The following C22orf15 variants were observed in gnomAD, a reference collection of about 807,000 sequenced individuals.
C22orf15 encodes chromosome 22 open reading frame 15, also known as uncharacterized protein C22orf15.
C22orf15 carries 21 observed loss-of-function variants against 20.3 expected under a neutral mutation model. The ratio of observed to expected loss-of-function variants is 1.04; its 90% confidence interval spans 0.74 to 1.49. The LOEUF is 1.49. Ranked by LOEUF, C22orf15 falls within the 40% of genes most tolerant of loss-of-function variation. The probability of loss-of-function intolerance (pLI) is 0.00; values close to 1 mark genes in which losing one functional copy is unlikely to be tolerated. For synonymous variants in C22orf15, 78 were observed against 75.4 expected (o/e 1.03, Z -0.18); for missense variants, 170 against 191.1 (o/e 0.89, Z 0.65).
At position 23,765,744 on chromosome 22, in the gene C22orf15, G is replaced by T. The variant is rs1431235671; in HGVS notation, c.*12G>T. The T allele has an allele frequency of 6.4e-7, 1 of 1,550,844 alleles. No homozygotes were observed. Among genetic ancestry groups the T allele is most frequent in the Non-Finnish European group, 8.7e-7 (1 of 1,146,612 alleles). ...AGGGCCCTGATTAAGGGGATGGATT[G>T]CACACTGTAGTGAGACATCCATCCT... On this transcript the variant is annotated 3_prime_UTR_variant, in exon 6 of 6. Coordinates refer to ENST00000402217, the MANE Select transcript of C22orf15 (RefSeq NM_182520.3).
chr22:23,763,067 A>G lies in C22orf15; in HGVS notation c.-240A>G. The G allele has an allele frequency of 1.8e-6, 1 of 544,276 alleles. No individual in the cohort carries two copies. Among genetic ancestry groups the G allele is most frequent in the Non-Finnish European group, 3.2e-6 (1 of 314,600 alleles). 33.7% of individuals were successfully genotyped at this position (544,276 alleles called of 1,614,324 possible). ...TGCTGTGGCCCAGGGCTCAGTGGGG[A>G]GGAAGAGGAGGCCAGGAGTCTTGGA... On this transcript the variant is annotated 5_prime_UTR_variant, in exon 1 of 6. Coordinates refer to ENST00000402217, the MANE Select transcript of C22orf15 (RefSeq NM_182520.3).
rs772184906 is a variant in C22orf15 at position 23,765,480 on chromosome 22, CA to C, written c.436-240del. On this transcript the variant is annotated intron_variant, in intron 5 of 5. Transcript: ENST00000402217. ...AAGGTCAGACAGGATTTGAGGCCGC[CA>C]GGGGCACCTAAGCTGTGGGTGCAGA... The C allele has an allele frequency of 3.2e-6, 5 of 1,550,736 alleles. No homozygotes were observed. The South Asian group carries it at 5.9e-5, about 18-fold the overall frequency.
chr22:23,765,060 A>T, intron 5 of C22orf15, 158 bp downstream of exon 5: 1 of 1,467,438 alleles, frequency 6.8e-7, no homozygotes, highest in Non-Finnish European at 9.0e-7. Context: ...ACGCACATAT[A>T]CCCCCAGATG....
At position 23,763,287 on chromosome 22, in the gene C22orf15, C is replaced by T. The variant is rs950690104; in HGVS notation, c.-20C>T. The T allele has an allele frequency of 6.8e-5, 105 of 1,550,160 alleles. No homozygotes were observed. Among genetic ancestry groups the T allele is most frequent in the Non-Finnish European group, 8.6e-5 (99 of 1,146,640 alleles). Reference sequence around the variant, plus strand: ...GTTGGGGGATCAAAGCCCCCCACATCTCCCTCACCCGCTGCAGCTATGTTT... The same window carrying T: ...GTTGGGGGATCAAAGCCCCCCACATTTCCCTCACCCGCTGCAGCTATGTTT... On this transcript the variant is annotated 5_prime_UTR_variant, in exon 1 of 6. Coordinates refer to ENST00000402217, the MANE Select transcript of C22orf15 (RefSeq NM_182520.3).
At chr22:23,765,007 G>T in intron 5 of C22orf15, 105 bp downstream of exon 5, 6 of 1,511,280 alleles carry the variant, frequency 4.0e-6, no homozygotes, top group Non-Finnish European at 5.3e-6. Context: ...CTTCCTGCAG[G>T]ACAGACACAT....
At chr22:23,765,292 T>A in intron 5 of C22orf15, 1 of 1,529,898 alleles carries the variant, frequency 6.5e-7, no homozygotes, top group Non-Finnish European at 8.8e-7. Flanking sequence ...CTGGCAGGCT[T>A]GGGGACCTGG....
chr22:23,763,469 A>G (rs1926052786), intron 1 of C22orf15, 138 bp downstream of exon 1: 12 of 1,013,984 alleles, frequency 1.2e-5, no homozygotes, highest in Non-Finnish European at 1.7e-5. Flanking sequence ...TCGTCGGGGA[A>G]GCGGCTCTGT....
rs1926215991 is a variant in C22orf15 at position 23,764,130 on chromosome 22, C to A, written c.69C>A (p.Asn23Lys). 2.6e-6 allele frequency: 4 copies of A among 1,551,272 alleles called. No individual in the cohort carries two copies. Among genetic ancestry groups the A allele is most frequent in the African/African-American group, 1.4e-5 (1 of 73,016 alleles). ...TGAACACCTCTTGCAGGCTGGTGAA[C>A]CTCACCGCCCACCTGAGGCAGAAAG... ...VLVNTSCRLVNLTAHLRQKAG... is the reference protein window; with the variant it reads ...VLVNTSCRLVKLTAHLRQKAG... Residue 23 changes from asparagine to lysine, a missense_variant, in exon 2 of 6, where the codon AAC becomes AAA. Transcript: ENST00000402217.
At chr22:23,763,563 G>C (rs1289970572) in intron 1 of C22orf15, among the ~76,000 whole-genome samples, 1 of 152,236 alleles carries the variant, frequency 6.6e-6, no homozygotes, top group African/African-American at 2.4e-5. Context: ...GGTTCCTCTC[G>C]GCCAGAGACC....
rs149199198 is a variant in C22orf15, at chr22:23,764,776, C to G, written c.326-17C>G. 1 of 1,614,118 alleles carries G rather than the reference C, an allele frequency of 6.2e-7. No homozygotes were observed. The highest frequency in any genetic ancestry group is 8.5e-7 in the Non-Finnish European group (1 of 1,179,994). ...TTCTCCCTAACCCCTACCAACAGGA[C>G]TTCCTGGGCCTTCCAGAGGAACTGC... On this transcript the variant is annotated splice_polypyrimidine_tract_variant and intron_variant, in intron 4 of 5. Coordinates refer to ENST00000402217, the MANE Select transcript of C22orf15 (RefSeq NM_182520.3).
At position 23,764,455 on chromosome 22, in the gene C22orf15, T is replaced by G. The variant is rs546796565; in HGVS notation, c.250+58T>G. The G allele has an allele frequency of 3.0e-4, 478 of 1,606,802 alleles. 2 individuals carry two copies. The South Asian group carries it at 3.7e-3, about 13-fold the overall frequency. On this transcript the variant is annotated intron_variant, in intron 3 of 5. Transcript: ENST00000402217. The stretch of plus-strand genomic sequence containing the variant: ...TATGGTAGAATGTAAGAGGGGGGCA[T>G]AGCAGACCATAGACCACCCAAGGCC...
chr22:23,764,948 A>C, intron 5 of C22orf15, 46 bp downstream of exon 5: 1 of 1,578,682 alleles, frequency 6.3e-7, no homozygotes, highest in Non-Finnish European at 8.6e-7. Flanking sequence ...GCAGGGAGCC[A>C]GGTACAGAGC....
At position 23,765,178 on chromosome 22, in the gene C22orf15, C is replaced by T. The variant is rs540497183; in HGVS notation, c.435+276C>T. On this transcript the variant is annotated intron_variant, in intron 5 of 5. Coordinates refer to ENST00000402217, the MANE Select transcript of C22orf15 (RefSeq NM_182520.3). ...CAGATGTGGCATAGGGGCTGGCACA[C>T]AGTAGGAGCTCAGTGCACAACTGCT... 128 of 1,438,834 alleles carry T rather than the reference C, an allele frequency of 8.9e-5. 3 individuals are homozygous for T. In the South Asian group the frequency reaches 1.8e-3, roughly 20 times the overall value. 89.1% of individuals were successfully genotyped at this position (1,438,834 alleles called of 1,614,324 possible). A position where few individuals can be genotyped will look rare whatever the true frequency, so the allele number is the denominator to read the frequency against.
intron 3 of C22orf15, 39 bp from the exon 4 acceptor site, chr22:23,764,600 C>A (rs760231662): frequency 1.2e-6 from 2 of 1,604,682 alleles, no homozygotes; most frequent in Admixed American, 3.3e-5. Flanking sequence ...GACCATTAGG[C>A]CAGTCAGGTG....
chr22:23,764,112 C>A lies in C22orf15; in HGVS notation c.51C>A (p.Thr17=), dbSNP rs943147059. The A allele has an allele frequency of 4.5e-6, 7 of 1,551,026 alleles. No individual in the cohort carries two copies. The highest frequency in any genetic ancestry group is 5.2e-6 in the Non-Finnish European group (6 of 1,147,004). Residue 17 remains threonine (T), a synonymous_variant, in exon 2 of 6, where the codon ACC becomes ACA. Coordinates refer to ENST00000402217, the MANE Select transcript of C22orf15 (RefSeq NM_182520.3). ...CTGGCTGCTCGGTGCTGGTGAACACCTCTTGCAGGCTGGTGAACCTCACCG... is the reference window on the plus strand; with the variant it reads ...CTGGCTGCTCGGTGCTGGTGAACACATCTTGCAGGCTGGTGAACCTCACCG... ...FGAGCSVLVN[T]SCRLVNLTAH... is the part of the protein sequence containing the mutation.
At chr22:23,765,211 C>T (rs1926568069) in intron 5 of C22orf15, 2 of 1,450,926 alleles carry the variant, frequency 1.4e-6, no homozygotes, top group Admixed American at 2.6e-5. Flanking sequence ...GCTGGATGAA[C>T]TCAATGAAGG....
intron 3 of C22orf15, 71 bp from the exon 4 acceptor site, chr22:23,764,568 C>T: frequency 6.3e-7 from 1 of 1,578,366 alleles, no homozygotes; most frequent in Non-Finnish European, 8.7e-7. Context: ...GCAAACAGTT[C>T]CAGAGTGAGA....
chr22:23,763,419 A>T, intron 1 of C22orf15, 88 bp downstream of exon 1: 15 of 1,244,038 alleles, frequency 1.2e-5, no homozygotes, highest in Admixed American at 3.2e-5. Flanking sequence ...GTGGGTGGGG[A>T]GGCAATGGCG....
intron 1 of C22orf15, 30 bp from the exon 2 acceptor site, chr22:23,764,057 T>A (rs1926192605): frequency 6.5e-7 from 1 of 1,546,980 alleles, no homozygotes; most frequent in African/African-American, 1.4e-5. Context: ...GTAAGAGATC[T>A]CACAGGCTCA....
Sources: allele counts gnomAD v4.1 joint callset (sites outside exome capture counted in the v4.1 genomes callset), GRCh38; gene constraint gnomAD v4.1.1; transcripts MANE v1.5; gene names NCBI Gene and HGNC (gene_info 2026-07-23, HGNC 2026-07-21).